The following NRG1 variants were observed in gnomAD, a reference collection of about 807,000 sequenced individuals.
NRG1 encodes pro-neuregulin-1, membrane-bound isoform.
NRG1 carries 18 observed loss-of-function variants against 63.8 expected under a neutral mutation model. That is an observed-to-expected ratio of 0.28 (90% confidence interval 0.19 to 0.42). The LOEUF is 0.42. NRG1 is among the 10% of genes least tolerant of loss of function. The probability of loss-of-function intolerance (pLI) is 1.00; values close to 1 mark genes in which losing one functional copy is unlikely to be tolerated. For missense variants in NRG1, 762 were observed against 814.7 expected (o/e 0.94, Z 0.79); for synonymous variants, 302 against 301.3 (o/e 1.00, Z -0.02).
At chr8:32,062,154 C>G (rs953483731) in intron 1 of NRG1, among the ~76,000 whole-genome samples, 35 of 151,994 alleles carry the variant, frequency 2.3e-4, no homozygotes, top group Admixed American at 1.7e-3. Context: ...AGGGAAAGGT[C>G]CTTTCTGAGA....
intron 5 of NRG1, among the ~76,000 whole-genome samples, chr8:32,701,880 T>C (rs539658718): frequency 6.6e-4 from 101 of 152,316 alleles, no homozygotes; most frequent in African/African-American, 2.0e-3. Context: ...TAAGTACATT[T>C]GAAAGTCCAT....
chr8:32,459,121 C>T (rs1821982102), intron 1 of NRG1, among the ~76,000 whole-genome samples: 1 of 152,318 alleles, frequency 6.6e-6, no homozygotes, highest in East Asian at 1.9e-4. Context: ...GCTGTCCAGT[C>T]GGCATCTCCA....
rs77772286 is a variant in NRG1, at chr8:31,948,833, G to A, written c.37+309402G>A. On this transcript the variant is annotated intron_variant, in intron 1 of 10. Coordinates refer to the NRG1 transcript ENST00000519301. ...CTGCCCCCAACAGGATGTGCCATGG[G>A]TGGCCAACCTGAGACAAGGTCAGAC... Among the ~76,000 whole-genome samples, 425 of 152,302 alleles carry A rather than the reference G, an allele frequency of 2.8e-3. 1 individual carries two copies. Among genetic ancestry groups the A allele is most frequent in the African/African-American group, 9.8e-3 (407 of 41,564 alleles).
intron 5 of NRG1, among the ~76,000 whole-genome samples, chr8:32,672,527 C>G (rs908756224): frequency 6.6e-6 from 1 of 152,070 alleles, no homozygotes; most frequent in Admixed American, 6.5e-5. Flanking sequence ...TATAACAGCA[C>G]AACTCTGTAA....
chr8:32,262,382 C>T (rs1036188676), intron 1 of NRG1, among the ~76,000 whole-genome samples: 1 of 152,032 alleles, frequency 6.6e-6, no homozygotes, highest in Non-Finnish European at 1.5e-5. Context: ...TCAGGAGACC[C>T]CCCCAAAAAA....
intron 5 of NRG1, among the ~76,000 whole-genome samples, chr8:32,665,477 C>A (rs1311130176): frequency 1.3e-5 from 2 of 152,110 alleles, no homozygotes; most frequent in African/African-American, 4.8e-5. Context: ...AATATGAATT[C>A]TGATGTCCAG....
rs10691362 is a variant in NRG1 at position 32,344,372 on chromosome 8, T to TCC, written c.38-251456_38-251455insCC. ...TTTCTTTCTTTCTTTCTTTCTTTCT[T>TCC]TCTTTCTTTCTCTTTCTTTCTTTTT... is the stretch of plus-strand genomic sequence containing the variant. On this transcript the variant is annotated intron_variant, in intron 1 of 10. Coordinates refer to the NRG1 transcript ENST00000519301. Among the ~76,000 whole-genome samples the TCC allele has an allele frequency of 4.6e-4, 27 of 58,746 alleles. 2 individuals are homozygous for TCC. Among genetic ancestry groups the TCC allele is most frequent in the Admixed American group, 2.2e-3 (14 of 6,406 alleles). The allele number at this position is 58,746 out of a possible 152,430, so 38.5% of individuals were successfully genotyped here.
In NRG1 at chr8:31,640,465, C is replaced by G. The variant is rs1463474951; in HGVS notation, c.37+1034C>G. ...CGAGCCCGGGGAGGAGGCGCCCTAT[C>G]TGGTGAAGGTGCACCAGGTGTGGGC... On this transcript the variant is annotated intron_variant, in intron 1 of 10. Transcript: ENST00000519301. This position sits in a 1 kb window ranked among gnomAD's most constrained non-coding sequence, Gnocchi z 6.3. 19 of 1,583,744 alleles carry G rather than the reference C, an allele frequency of 1.2e-5. No homozygotes were observed. Among genetic ancestry groups the G allele is most frequent in the Non-Finnish European group, 1.5e-5 (18 of 1,166,524 alleles).
intron 1 of NRG1, among the ~76,000 whole-genome samples, chr8:32,042,215 C>G (rs1052407527): frequency 5.3e-5 from 8 of 151,984 alleles, no homozygotes. Context: ...GAGGGCAAGG[C>G]AAGAGAATTG....
At chr8:31,766,519 A>C (rs1325364804) in intron 1 of NRG1, among the ~76,000 whole-genome samples, 1 of 152,168 alleles carries the variant, frequency 6.6e-6, no homozygotes, top group Non-Finnish European at 1.5e-5. Context: ...CCCTGTGCAA[A>C]CCCCTAGGAA....
intron 1 of NRG1, among the ~76,000 whole-genome samples, chr8:31,664,370 C>T (rs73237530): frequency 6.6e-6 from 1 of 152,148 alleles, no homozygotes; most frequent in Non-Finnish European, 1.5e-5. Context: ...AGTACCAACG[C>T]ATAGAGTGGG....
chr8:31,839,582 C>T (rs911508683), intron 1 of NRG1, among the ~76,000 whole-genome samples: 14 of 152,092 alleles, frequency 9.2e-5, no homozygotes, highest in Admixed American at 6.6e-4. Context: ...AACTAGAAAA[C>T]CTTTCCCCTT....
intron 5 of NRG1, among the ~76,000 whole-genome samples, chr8:32,654,496 G>A (rs1353944834): frequency 6.6e-6 from 1 of 151,926 alleles, no homozygotes; most frequent in Non-Finnish European, 1.5e-5. Context: ...AGGGGTGGGG[G>A]TTCATGCCTA....
At chr8:31,987,641 A>G (rs1810319097) in intron 1 of NRG1, among the ~76,000 whole-genome samples, 1 of 152,002 alleles carries the variant, frequency 6.6e-6, no homozygotes, top group African/African-American at 2.4e-5. Context: ...CCTATCCGGT[A>G]CTATGCTCTC....
In NRG1 at chr8:32,666,781, C is replaced by T. The variant is rs117355691; in HGVS notation, c.502+49896C>T. 2.8e-4 allele frequency among the ~76,000 whole-genome samples: 42 copies of T among 152,280 alleles called. No individual in the cohort carries two copies. The East Asian group carries it at 6.2e-3, about 22-fold the overall frequency. On this transcript the variant is annotated intron_variant, in intron 5 of 11. Coordinates refer to ENST00000356819, the Ensembl canonical transcript of NRG1. Reference sequence around the variant, plus strand: ...CTCTGTACCCATTGAACAACAACTCCTGGTTTTCCCCACCCTCCAGTCCCT... The same window carrying T: ...CTCTGTACCCATTGAACAACAACTCTTGGTTTTCCCCACCCTCCAGTCCCT...
downstream of NRG1, among the ~76,000 whole-genome samples, chr8:32,770,447 C>A (rs546464351): frequency 8.5e-5 from 13 of 152,246 alleles, no homozygotes; most frequent in South Asian, 6.2e-4. Context: ...CCTTTCCCTG[C>A]CTCAAGCAGA....
chr8:32,028,533 C>T (rs1373826617), intron 1 of NRG1, among the ~76,000 whole-genome samples: 2 of 152,080 alleles, frequency 1.3e-5, no homozygotes, highest in Non-Finnish European at 2.9e-5. Context: ...AAGACCATTT[C>T]AGGGTTTTGC....
chr8:32,136,395 G>A (rs1835528542), intron 1 of NRG1, among the ~76,000 whole-genome samples: 1 of 152,066 alleles, frequency 6.6e-6, no homozygotes, highest in African/African-American at 2.4e-5. Context: ...TAAAGTCCGT[G>A]GTCTCTGACC....
chr8:32,760,706 G>A lies in NRG1; in HGVS notation c.1259+300G>A, dbSNP rs898555249. ...TCTGGCCATGGGCTCAGACCCACTC[G>A]GGGTCTCAGTGTCCTCAGTTGTAAC... On this transcript the variant is annotated intron_variant, in intron 11 of 11. Transcript: ENST00000356819. The A allele has an allele frequency of 7.7e-6, 9 of 1,164,360 alleles. No homozygotes were observed. In the African/African-American group the frequency reaches 9.4e-5, roughly 12 times the overall value. The allele number at this position is 1,164,360 out of a possible 1,614,324, so 72.1% of individuals were successfully genotyped here.
Sources: allele counts gnomAD v4.1 joint callset (sites outside exome capture counted in the v4.1 genomes callset), GRCh38; gene constraint gnomAD v4.1.1; non-coding constraint Gnocchi (gnomAD v3.1); transcripts MANE v1.5; gene names NCBI Gene and HGNC (gene_info 2026-07-23, HGNC 2026-07-21).